TXK: variants seen among roughly 807,000 people sequenced by gnomAD.
The protein encoded by TXK is tyrosine-protein kinase TXK.
TXK carries 60 observed loss-of-function variants against 81.0 expected under a neutral mutation model. That is an observed-to-expected ratio of 0.74 (90% CI 0.60 to 0.92). The LOEUF is 0.92. TXK is among the 40% of genes least tolerant of loss of function. The pLI is 0.00. For missense variants in TXK, 581 were observed against 638.3 expected (o/e 0.91, Z 0.97); for synonymous variants, 203 against 210.7 (o/e 0.96, Z 0.32).
chr4:48,099,398 A>T (rs984267994), intron 6 of TXK, among the ~76,000 whole-genome samples: 141 of 152,204 alleles, frequency 9.3e-4, no homozygotes, highest in African/African-American at 3.4e-3. Flanking sequence ...TATTTTTCCA[A>T]GAGCCATGAA....
At chr4:48,072,787 T>G (rs912810869) in intron 13 of TXK, among the ~76,000 whole-genome samples, 4 of 152,208 alleles carry the variant, frequency 2.6e-5, no homozygotes, top group African/African-American at 9.6e-5. Flanking sequence ...TTGCTCTTCA[T>G]TGGTCTCTAA....
chr4:48,080,300 G>A (rs1717249320), intron 10 of TXK, 172 bp from the exon 11 acceptor site: 1 of 613,124 alleles, frequency 1.6e-6, no homozygotes, highest in South Asian at 2.0e-5. Context: ...AATGCACTGA[G>A]AATGTGGGGT....
intron 6 of TXK, among the ~76,000 whole-genome samples, chr4:48,096,246 A>C (rs1717974103): frequency 6.6e-6 from 1 of 152,254 alleles, no homozygotes; most frequent in South Asian, 2.1e-4. Context: ...TACAATGTAC[A>C]AGGGTACTGT....
intron 6 of TXK, among the ~76,000 whole-genome samples, chr4:48,096,499 A>G (rs111294315): frequency 3.3e-5 from 5 of 152,244 alleles, no homozygotes; most frequent in African/African-American, 1.2e-4. Context: ...TCACCTAAAG[A>G]TTTTTAAATT....
chr4:48,102,611 G>A (rs944795770), intron 6 of TXK, among the ~76,000 whole-genome samples: 66 of 152,184 alleles, frequency 4.3e-4, no homozygotes, highest in Admixed American at 5.9e-4. Flanking sequence ...CACATACCCT[G>A]TGACCACATA....
chr4:48,123,350 C>T (rs1189567483), intron 1 of TXK, among the ~76,000 whole-genome samples: 1 of 152,166 alleles, frequency 6.6e-6, no homozygotes, highest in African/African-American at 2.4e-5. Flanking sequence ...TTTTCCCCAA[C>T]AGAATTATCA....
At chr4:48,111,635 G>C (rs1337844588) in intron 4 of TXK, among the ~76,000 whole-genome samples, 2 of 152,204 alleles carry the variant, frequency 1.3e-5, no homozygotes, top group African/African-American at 4.8e-5. Context: ...ACATCATTGA[G>C]AAAATGTAGT....
intron 3 of TXK, 44 bp from the exon 4 acceptor site, chr4:48,112,556 A>C: frequency 6.5e-7 from 1 of 1,541,544 alleles, no homozygotes; most frequent in Non-Finnish European, 8.7e-7. Flanking sequence ...CATTTTAATA[A>C]TTTGTACTAA....
rs764707982 is a variant in TXK at position 48,076,438 on chromosome 4, G to T, written c.1202C>A (p.Thr401Lys). 6.2e-7 allele frequency: 1 copy of T among 1,613,152 alleles called. No homozygotes were observed. Among genetic ancestry groups the T allele is most frequent in the Non-Finnish European group, 8.5e-7 (1 of 1,179,626 alleles). Residue 401 changes from threonine (T) to lysine (K), a missense_variant, in exon 12 of 15, where the codon ACA (threonine) becomes AAA (lysine). Coordinates refer to ENST00000264316, the MANE Select transcript of TXK (RefSeq NM_003328.3). ...LAARNCLVSS[T>K]CIVKISDFGM... ...AAAGTCTGAAATTTTTACTATGCAT[G>T]TTGAACTGACCAAACAATTCCTTGC...
chr4:48,082,283 T>C (rs560608990), intron 10 of TXK, among the ~76,000 whole-genome samples: 9 of 152,106 alleles, frequency 5.9e-5, no homozygotes, highest in African/African-American at 2.2e-4. Flanking sequence ...GAAGAGGGAG[T>C]TGGACATGCC....
intron 10 of TXK, among the ~76,000 whole-genome samples, chr4:48,085,377 C>T (rs1717481403): frequency 6.6e-6 from 1 of 151,756 alleles, no homozygotes; most frequent in African/African-American, 2.4e-5. Flanking sequence ...ACTACTAAGA[C>T]ATAACCATCA....
chr4:48,070,637 G>A (rs1716805368), intron 14 of TXK, among the ~76,000 whole-genome samples: 1 of 152,054 alleles, frequency 6.6e-6, no homozygotes, highest in African/African-American at 2.4e-5. Context: ...GGAGTGTAGT[G>A]GCGCAATCTC....
intron 9 of TXK, among the ~76,000 whole-genome samples, chr4:48,088,744 A>G (rs563039932): frequency 5.3e-5 from 8 of 152,312 alleles, no homozygotes; most frequent in African/African-American, 1.9e-4. Context: ...AGAACTTTGT[A>G]TTATATATAC....
chr4:48,101,622 AC>A, intron 6 of TXK, among the ~76,000 whole-genome samples: 1 of 152,084 alleles, frequency 6.6e-6, no homozygotes, highest in South Asian at 2.1e-4. Flanking sequence ...AATTAGAAAA[AC>A]ATTTTTAAGA....
chr4:48,100,242 AAT>A (rs1218679563), intron 6 of TXK, among the ~76,000 whole-genome samples: 1 of 151,596 alleles, frequency 6.6e-6, no homozygotes, highest in Non-Finnish European at 1.5e-5. Context: ...TGAGAATTTT[AAT>A]AGTCTTCAGG....
rs1483354349 is a variant in TXK at position 48,134,154 on chromosome 4, C to G, written c.16+1G>C. ...TAAATGACAAAGCCCATCTTACTCACAGGAGGAAAGGATCATGGTAGCCCC... is the reference window on the plus strand; with the variant it reads ...TAAATGACAAAGCCCATCTTACTCAGAGGAGGAAAGGATCATGGTAGCCCC... On this transcript the variant is annotated splice_donor_variant, in intron 1 of 14. Transcript: ENST00000264316. LOFTEE classifies it high-confidence loss of function. The G allele has an allele frequency of 1.2e-6, 2 of 1,613,278 alleles. No individual in the cohort carries two copies. Among genetic ancestry groups the G allele is most frequent in the South Asian group, 2.2e-5 (2 of 90,840 alleles).
chr4:48,079,544 C>T (rs976610863), intron 11 of TXK, among the ~76,000 whole-genome samples: 1 of 152,166 alleles, frequency 6.6e-6, no homozygotes, highest in African/African-American at 2.4e-5. Context: ...GGCTTCCCCC[C>T]ACCCACCAAG....
rs372607390 is a variant in TXK, at chr4:48,112,294, G to C, written c.380+13C>G. 3.1e-6 allele frequency: 5 copies of C among 1,612,072 alleles called. No individual in the cohort carries two copies. Among genetic ancestry groups the C allele is most frequent in the Admixed American group, 1.7e-5 (1 of 60,022 alleles). On this transcript the variant is annotated intron_variant, in intron 4 of 14. Coordinates refer to ENST00000264316, the MANE Select transcript of TXK (RefSeq NM_003328.3). ...AAGAATTGGATACTGACTAAGTCAT[G>C]TAAGTGTCTTACCCCAAACGGTCTC...
intron 6 of TXK, among the ~76,000 whole-genome samples, chr4:48,102,009 C>T (rs954549620): frequency 2.0e-5 from 3 of 151,832 alleles, no homozygotes; most frequent in Non-Finnish European, 2.9e-5. Context: ...GATGGAGTCT[C>T]GCTCTGTCAC....
Sources: gnomAD v4.1 joint callset for allele counts (sites outside exome capture counted in the v4.1 genomes callset) on GRCh38, gnomAD v4.1.1 for gene constraint, MANE v1.5 for transcripts, NCBI Gene and HGNC (gene_info 2026-07-23, HGNC 2026-07-21) for gene names.